SGCZ: variants seen among roughly 807,000 people sequenced by gnomAD.
The protein encoded by SGCZ is zeta-sarcoglycan.
A neutral mutation model predicts 41.3 loss-of-function variants in SGCZ; 40 were observed. That is an observed-to-expected ratio of 0.97 (90% CI 0.75 to 1.26). The LOEUF (loss-of-function observed/expected upper bound fraction) is 1.26, where lower values mean the gene tolerates loss of function less well. Ranked by LOEUF, SGCZ falls within the 50% of genes most tolerant of loss-of-function variation. The pLI is 0.00. For synonymous variants in SGCZ, 206 were observed against 137.5 expected (o/e 1.50, Z -3.49); for missense variants, 552 against 369.8 (o/e 1.49, Z -4.04).
At chr8:14,613,253 T>C (rs576298682) in intron 1 of SGCZ, among the ~76,000 whole-genome samples, 1 of 152,316 alleles carries the variant, frequency 6.6e-6, no homozygotes, top group Non-Finnish European at 1.5e-5. Flanking sequence ...GTAATGTACT[T>C]TGCTATTCCA....
chr8:14,114,114 G>C (rs1416087926), intron 5 of SGCZ, among the ~76,000 whole-genome samples: 1 of 151,982 alleles, frequency 6.6e-6, no homozygotes, highest in African/African-American at 2.4e-5. Context: ...CTTTCTTGAA[G>C]TCAAAGCCTG....
At chr8:14,847,123 AAGAAAGAAGAAGAAGAAG>A (rs1386187134) in intron 1 of SGCZ, among the ~76,000 whole-genome samples, 6 of 103,314 alleles carry the variant, frequency 5.8e-5, no homozygotes, top group African/African-American at 2.2e-4. Flanking sequence ...GAAGAAGAAG[AAGAAAGAAGAAGAAGAAG>A]AAGAAGAAGA....
In SGCZ at chr8:14,090,408, A is replaced by G; in HGVS notation, c.*35T>C. On this transcript the variant is annotated 3_prime_UTR_variant, in exon 8 of 8. Transcript: ENST00000382080. ...ACTGTGAAGCAGACGGACAGGAACA[A>G]AAGGCTATTCTGGTGTGAGGAGAAA... is the stretch of plus-strand genomic sequence containing the variant. The G allele has an allele frequency of 1.9e-6, 3 of 1,594,082 alleles. No individual in the cohort carries two copies. The highest frequency in any genetic ancestry group is 2.6e-6 in the Non-Finnish European group (3 of 1,169,722).
At chr8:15,066,459 T>G (rs1805153195) in intron 1 of SGCZ, among the ~76,000 whole-genome samples, 1 of 152,210 alleles carries the variant, frequency 6.6e-6, no homozygotes, top group Non-Finnish European at 1.5e-5. Flanking sequence ...TTTTTAAATC[T>G]GTAAAGATAA....
At chr8:15,062,877 A>T (rs1804987813) in intron 1 of SGCZ, among the ~76,000 whole-genome samples, 1 of 152,102 alleles carries the variant, frequency 6.6e-6, no homozygotes, top group African/African-American at 2.4e-5. Context: ...GTATTCAAAG[A>T]TATGCAGTTC....
At chr8:14,564,888 T>C (rs556314425) in intron 1 of SGCZ, among the ~76,000 whole-genome samples, 11 of 152,192 alleles carry the variant, frequency 7.2e-5, no homozygotes, top group Non-Finnish European at 1.5e-4. Flanking sequence ...TACTTAATGC[T>C]CAAAGGGACA....
intron 1 of SGCZ, among the ~76,000 whole-genome samples, chr8:14,785,131 T>G (rs1800728717): frequency 6.6e-6 from 1 of 151,094 alleles, no homozygotes. Flanking sequence ...CATATCATTT[T>G]GCCAGAGATT....
intron 3 of SGCZ, among the ~76,000 whole-genome samples, chr8:14,291,294 G>A (rs1220061297): frequency 6.6e-6 from 1 of 151,774 alleles, no homozygotes; most frequent in Non-Finnish European, 1.5e-5. Flanking sequence ...GCTAGAAGAG[G>A]GGTTTTTAAT....
chr8:14,398,132 A>T (rs1798971055), intron 2 of SGCZ, among the ~76,000 whole-genome samples: 1 of 152,128 alleles, frequency 6.6e-6, no homozygotes, highest in South Asian at 2.1e-4. Context: ...CTGTCTGGAA[A>T]AACAAAAGAG....
intron 1 of SGCZ, among the ~76,000 whole-genome samples, chr8:14,986,689 C>T (rs1404038604): frequency 6.6e-6 from 1 of 151,870 alleles, no homozygotes; most frequent in African/African-American, 2.4e-5. Context: ...TAGGTTGAGA[C>T]CTAATTGGAG....
At chr8:14,955,843 A>G (rs1210060225) in intron 1 of SGCZ, among the ~76,000 whole-genome samples, 1 of 152,068 alleles carries the variant, frequency 6.6e-6, no homozygotes, top group Admixed American at 6.6e-5. Flanking sequence ...CTTCTACTTT[A>G]TGAGTTGTCT....
chr8:15,052,120 T>G (rs1804536463), intron 1 of SGCZ, among the ~76,000 whole-genome samples: 1 of 151,984 alleles, frequency 6.6e-6, no homozygotes, highest in African/African-American at 2.4e-5. Context: ...TTCCCAGGAG[T>G]CTATCAAGAT....
intron 2 of SGCZ, among the ~76,000 whole-genome samples, chr8:14,382,244 G>C (rs1446910233): frequency 6.6e-6 from 1 of 152,118 alleles, no homozygotes; most frequent in Non-Finnish European, 1.5e-5. Context: ...AGCTGGAGCA[G>C]AAGAGGATTC....
chr8:15,015,970 G>A (rs1803017900), intron 1 of SGCZ, among the ~76,000 whole-genome samples: 1 of 151,412 alleles, frequency 6.6e-6, no homozygotes, highest in Non-Finnish European at 1.5e-5. Flanking sequence ...AATACTATTT[G>A]TAAAAATTAT....
intron 1 of SGCZ, among the ~76,000 whole-genome samples, chr8:15,161,066 G>A (rs569989545): frequency 8.5e-5 from 13 of 152,142 alleles, no homozygotes; most frequent in African/African-American, 2.9e-4. Context: ...TGCAAGATCT[G>A]AAGATCTTGC....
chr8:14,197,849 TG>T (rs1290878572), intron 4 of SGCZ, among the ~76,000 whole-genome samples: 2 of 151,998 alleles, frequency 1.3e-5, no homozygotes, highest in African/African-American at 4.8e-5. Context: ...ACACAGAGTC[TG>T]GAAAAAACTT....
chr8:14,681,550 C>T (rs1002859402), intron 1 of SGCZ, among the ~76,000 whole-genome samples: 9 of 152,070 alleles, frequency 5.9e-5, no homozygotes, highest in Admixed American at 2.6e-4. Context: ...GCTCGGACTT[C>T]GAATGATATA....
chr8:14,871,409 C>G (rs565305616), intron 1 of SGCZ, among the ~76,000 whole-genome samples: 58 of 152,220 alleles, frequency 3.8e-4, no homozygotes, highest in African/African-American at 1.3e-3. Context: ...GATCATAAAT[C>G]ATTCTACTAT....
intron 3 of SGCZ, among the ~76,000 whole-genome samples, chr8:14,322,932 G>T (rs920566034): frequency 1.3e-5 from 2 of 152,098 alleles, no homozygotes; most frequent in African/African-American, 2.4e-5. Flanking sequence ...TAAAGCAAAA[G>T]AACTAAACTT....
Sources: allele counts gnomAD v4.1 joint callset (sites outside exome capture counted in the v4.1 genomes callset), GRCh38; gene constraint gnomAD v4.1.1; transcripts MANE v1.5; gene names NCBI Gene and HGNC (gene_info 2026-07-23, HGNC 2026-07-21).